The following ZNF385B variants were observed in gnomAD, a reference collection of about 807,000 sequenced individuals.
ZNF385B encodes the protein zinc finger protein 533.
In ZNF385B, 23 loss-of-function variants were observed where a neutral mutation model predicts 39.2. That is an observed-to-expected ratio of 0.59 (90% CI 0.42 to 0.83). ZNF385B has a LOEUF of 0.83. Among genes scored for constraint, ZNF385B ranks in the 40% least tolerant of loss-of-function variants. The pLI is 0.00. For synonymous variants in ZNF385B, 205 were observed against 222.6 expected (o/e 0.92, Z 0.70); for missense variants, 552 against 598.9 (o/e 0.92, Z 0.82).
chr2:179,712,226 C>G (rs1575315395), intron 3 of ZNF385B, among the ~76,000 whole-genome samples: 1 of 152,258 alleles, frequency 6.6e-6, no homozygotes, highest in South Asian at 2.1e-4. Context: ...ACTATGATTT[C>G]TAGTCTCCAA....
chr2:179,501,930 T>C (rs2056798474), intron 5 of ZNF385B, among the ~76,000 whole-genome samples: 1 of 152,190 alleles, frequency 6.6e-6, no homozygotes, highest in African/African-American at 2.4e-5. Flanking sequence ...CAATAATTTA[T>C]TCAATAATCC....
chr2:179,573,910 C>T (rs1574860395), intron 3 of ZNF385B, among the ~76,000 whole-genome samples: 1 of 152,112 alleles, frequency 6.6e-6, no homozygotes, highest in South Asian at 2.1e-4. Flanking sequence ...ACCAAAATGC[C>T]ATAAAAATAA....
intron 3 of ZNF385B, among the ~76,000 whole-genome samples, chr2:179,623,985 T>C (rs1442225772): frequency 7.9e-5 from 12 of 152,194 alleles, no homozygotes; most frequent in South Asian, 2.1e-4. Flanking sequence ...TTTTTAAAAA[T>C]TGGCAGCCTG....
Position 179,443,014 on chromosome 2 carries a change from G to A in ZNF385B, c.*236C>T. The A allele has an allele frequency of 1.7e-6, 1 of 597,446 alleles. No individual in the cohort carries two copies. The allele number at this position is 597,446 out of a possible 1,614,324, so 37.0% of individuals were successfully genotyped here. On this transcript the variant is annotated 3_prime_UTR_variant, in exon 10 of 10. Transcript: ENST00000410066. The stretch of plus-strand genomic sequence containing the variant: ...ACACAAATTGAACGCGGTAGGGTGG[G>A]GGAGGAAGTAGGGAGATAAAGCCTA...
chr2:179,573,304 G>A (rs1043887140), intron 3 of ZNF385B, among the ~76,000 whole-genome samples: 1 of 151,940 alleles, frequency 6.6e-6, no homozygotes, highest in Non-Finnish European at 1.5e-5. Flanking sequence ...AAAAATTCTG[G>A]AAGAAAAATT....
intron 3 of ZNF385B, among the ~76,000 whole-genome samples, chr2:179,747,857 C>T (rs1025265830): frequency 6.6e-6 from 1 of 152,076 alleles, no homozygotes; most frequent in Non-Finnish European, 1.5e-5. Context: ...TAATCAGACA[C>T]ATTAACATTC....
At chr2:179,816,640 T>C (rs1356718455) in intron 1 of ZNF385B, among the ~76,000 whole-genome samples, 1 of 152,216 alleles carries the variant, frequency 6.6e-6, no homozygotes, top group Non-Finnish European at 1.5e-5. Flanking sequence ...TAATGGGGGC[T>C]TCCTCAAATA....
chr2:179,732,078 G>C (rs868631749), intron 3 of ZNF385B, among the ~76,000 whole-genome samples: 6 of 152,210 alleles, frequency 3.9e-5, no homozygotes, highest in South Asian at 2.1e-4. Flanking sequence ...TTTATAGTTT[G>C]AGGTTATAGT....
At chr2:179,604,745 A>G (rs995172861) in intron 3 of ZNF385B, among the ~76,000 whole-genome samples, 2 of 152,090 alleles carry the variant, frequency 1.3e-5, no homozygotes, top group Non-Finnish European at 1.5e-5. Context: ...TTTCTTGTCT[A>G]CTTATAAATA....
chr2:179,499,963 T>C (rs567389395), intron 5 of ZNF385B, among the ~76,000 whole-genome samples: 35 of 151,994 alleles, frequency 2.3e-4, no homozygotes, highest in Non-Finnish European at 4.9e-4. Context: ...AAAATTAACA[T>C]ACAAAAATCT....
chr2:179,508,847 T>C lies in ZNF385B; in HGVS notation c.552+9681A>G, dbSNP rs2057444692. 1.3e-5 allele frequency among the ~76,000 whole-genome samples: 2 copies of C among 152,306 alleles called. 1 individual carries two copies. Among genetic ancestry groups the C allele is most frequent in the South Asian group, 4.1e-4 (2 of 4,826 alleles). On this transcript the variant is annotated intron_variant, in intron 5 of 9. Transcript: ENST00000410066. ...TAACATATCATGTTAGACATCTATG[T>C]ATTTAAAGAAAAGCCAGAAAAATAT...
chr2:179,631,377 G>C (rs1337319405), intron 3 of ZNF385B, among the ~76,000 whole-genome samples: 1 of 152,036 alleles, frequency 6.6e-6, no homozygotes, highest in Non-Finnish European at 1.5e-5. Flanking sequence ...AACATTATTA[G>C]AGAAAAGAAT....
At position 179,796,165 on chromosome 2, in the gene ZNF385B, C is replaced by T. The variant is rs1156403270; in HGVS notation, c.-154-25493G>A. The T allele has an allele frequency of 2.6e-5, 4 of 152,264 alleles. No homozygotes were observed. The East Asian group carries it at 5.8e-4, about 22-fold the overall frequency. The allele number at this position is 152,264 out of a possible 1,614,324, so 9.4% of individuals were successfully genotyped here. On this transcript the variant is annotated intron_variant, in intron 1 of 9. Transcript: ENST00000410066. ...GCAGCAACTTTACAAGAGAGGATCA[C>T]TTTGCAGAAGATTTTACTAACTTGA...
intron 3 of ZNF385B, among the ~76,000 whole-genome samples, chr2:179,768,256 T>C (rs1434990787): frequency 1.3e-5 from 2 of 152,010 alleles, no homozygotes; most frequent in Non-Finnish European, 2.9e-5. Context: ...GGCCATAACA[T>C]TAACTATATT....
At chr2:179,608,717 ACT>A (rs1313610105) in intron 3 of ZNF385B, among the ~76,000 whole-genome samples, 1 of 152,116 alleles carries the variant, frequency 6.6e-6, no homozygotes, top group East Asian at 1.9e-4. Context: ...TGGACCTGAG[ACT>A]CTGCATTTTA....
intron 3 of ZNF385B, among the ~76,000 whole-genome samples, chr2:179,711,704 G>A (rs1700005949): frequency 6.6e-6 from 1 of 152,062 alleles, no homozygotes; most frequent in African/African-American, 2.4e-5. Context: ...AATGAAGGTT[G>A]CCAGGTAGAG....
At chr2:179,537,696 G>T (rs894388779) in intron 4 of ZNF385B, among the ~76,000 whole-genome samples, 5 of 151,340 alleles carry the variant, frequency 3.3e-5, no homozygotes, top group Non-Finnish European at 7.4e-5. Context: ...AGCTGAGATT[G>T]TACCACTGCA....
At chr2:179,730,689 A>T (rs922322714) in intron 3 of ZNF385B, among the ~76,000 whole-genome samples, 1 of 151,952 alleles carries the variant, frequency 6.6e-6, no homozygotes, top group African/African-American at 2.4e-5. Flanking sequence ...TACAAAATTT[A>T]AGCTCAATAA....
At chr2:179,674,685 T>G (rs923251234) in intron 3 of ZNF385B, among the ~76,000 whole-genome samples, 1 of 152,228 alleles carries the variant, frequency 6.6e-6, no homozygotes, top group Non-Finnish European at 1.5e-5. Flanking sequence ...ATTTTGAAGA[T>G]TTCTTCTTTT....
Sources: gnomAD v4.1 joint callset for allele counts (sites outside exome capture counted in the v4.1 genomes callset) on GRCh38, gnomAD v4.1.1 for gene constraint, MANE v1.5 for transcripts, NCBI Gene and HGNC (gene_info 2026-07-23, HGNC 2026-07-21) for gene names.